The following LRP12 variants were observed in gnomAD, a reference collection of about 807,000 sequenced individuals.
LRP12 encodes low-density lipoprotein receptor-related protein 12.
Under a neutral mutation model 66.0 loss-of-function variants are expected in LRP12, and 14 were observed. That is an observed-to-expected ratio of 0.21 (90% CI 0.14 to 0.33). LRP12 has a LOEUF of 0.33. LRP12 is among the 10% of genes least tolerant of loss of function. The pLI, the probability that LRP12 is intolerant of heterozygous loss-of-function variation, is 1.00. For synonymous variants in LRP12, 357 were observed against 359.1 expected (o/e 0.99, Z 0.07); for missense variants, 889 against 1,053.4 (o/e 0.84, Z 2.16).
intron 3 of LRP12, chr8:104,505,394 CTTTCCT>C (rs1210995178): frequency 3.0e-5 from 4 of 133,428 alleles, no homozygotes; most frequent in African/African-American, 1.1e-4. Context: ...CATTTTCCTT[CTTTCCT>C]TTTTTTTTTT....
chr8:104,572,825 A>T (rs992460261), intron 1 of LRP12, among the ~76,000 whole-genome samples: 1 of 152,192 alleles, frequency 6.6e-6, no homozygotes, highest in Non-Finnish European at 1.5e-5. Flanking sequence ...CTTTTAGAGT[A>T]GAGTTCAAAT....
chr8:104,497,189 T>G lies in LRP12; in HGVS notation c.1363A>C (p.Asn455His). 6.2e-7 allele frequency: 1 copy of G among 1,610,966 alleles called. No homozygotes were observed. Among genetic ancestry groups the G allele is most frequent in the South Asian group, 1.1e-5 (1 of 90,448 alleles). ...CAACGATTGTTTTTACAATGGAAATTTCCTGGTTGGCAAAAAAAGCAGTTT... is the reference window on the plus strand; with the variant it reads ...CAACGATTGTTTTTACAATGGAAATGTCCTGGTTGGCAAAAAAAGCAGTTT... ...EKNCFFCQPG[N>H]FHCKNNRCVF... is the part of the protein sequence containing the mutation. The change falls in exon 5 of 7, where the codon AAT becomes CAT. Residue 455 changes from asparagine to histidine, a missense_variant. Asn to His is a moderately conservative substitution (Grantham distance 68). This residue lies in a region of LRP12 where 800 missense variants were observed against 964.5 expected (regional missense o/e 0.83). Transcript: ENST00000276654. The surrounding 1 kb of genome is among the most constrained non-coding windows in gnomAD (Gnocchi z 4.3).
intron 1 of LRP12, among the ~76,000 whole-genome samples, chr8:104,542,290 C>CT (rs1811490112): frequency 6.6e-6 from 1 of 152,136 alleles, no homozygotes; most frequent in Non-Finnish European, 1.5e-5. Flanking sequence ...TTATGCTATT[C>CT]TTTGGAGAAA....
At chr8:104,543,196 T>C (rs932583941) in intron 1 of LRP12, among the ~76,000 whole-genome samples, 1 of 152,082 alleles carries the variant, frequency 6.6e-6, no homozygotes, top group African/African-American at 2.4e-5. Context: ...TGTTTTTCTG[T>C]TGTTGTTTTG....
At chr8:104,585,768 A>G (rs1812319563) in intron 1 of LRP12, among the ~76,000 whole-genome samples, 1 of 152,194 alleles carries the variant, frequency 6.6e-6, no homozygotes, top group Non-Finnish European at 1.5e-5. Flanking sequence ...GGTGGGTTTG[A>G]GTAAAAGTTA....
In LRP12 at chr8:104,497,864, A is replaced by ACCAAAGGC. The variant is rs1789925202; in HGVS notation, c.687_688insGCCTTTGG (p.Tyr230AlafsTer11). On this transcript the variant is annotated frameshift_variant, in exon 5 of 7. Coordinates refer to ENST00000276654, the MANE Select transcript of LRP12 (RefSeq NM_013437.5). LOFTEE classifies it high-confidence loss of function. This position sits in a 1 kb window ranked among gnomAD's most constrained non-coding sequence, Gnocchi z 4.3. ...TTTAAAGATTCGGGGAGGCAAGTGT[A>ACCAAAGGC]AACTTTGGTAAAACGGGATAAACAC... The ACCAAAGGC allele has an allele frequency of 6.2e-7, 1 of 1,614,110 alleles. No individual in the cohort carries two copies. The highest frequency in any genetic ancestry group is 8.5e-7 in the Non-Finnish European group (1 of 1,180,054).
intron 3 of LRP12, chr8:104,505,989 G>A (rs962033978): frequency 6.6e-6 from 1 of 151,962 alleles, no homozygotes; most frequent in African/African-American, 2.4e-5. Context: ...TATAGCACTG[G>A]CCACTCCACC....
intron 6 of LRP12, among the ~76,000 whole-genome samples, chr8:104,492,685 A>G (rs1164918750): frequency 6.6e-6 from 1 of 152,138 alleles, no homozygotes; most frequent in Admixed American, 6.5e-5. Context: ...CCATAGTGCC[A>G]TGAACATAAT....
chr8:104,495,100 A>G lies in LRP12; in HGVS notation c.1690T>C (p.Phe564Leu). Residue 564 changes from phenylalanine (F) to leucine (L), a missense_variant, in exon 6 of 7, where the codon TTT becomes CTT. Phe to Leu is a conservative substitution (Grantham distance 22). Around this residue, in one of 3 missense-constraint regions of LRP12, gnomAD observed 800 missense variants for 964.5 expected, o/e 0.83. Transcript: ENST00000276654. ...ACCTGATTAGGTGAACAAACAGGAA[A>G]ATCTTCAACTGGTGGAATTAAACCC... ...AQGLIPPVEDFPVCSPNQASV... is the reference protein window; with the variant it reads ...AQGLIPPVEDLPVCSPNQASV... 1 of 1,613,746 alleles carries G rather than the reference A, an allele frequency of 6.2e-7. No individual in the cohort carries two copies. Among genetic ancestry groups the G allele is most frequent in the East Asian group, 2.2e-5 (1 of 44,826 alleles).
intron 1 of LRP12, among the ~76,000 whole-genome samples, chr8:104,569,282 G>C (rs1318595043): frequency 1.3e-5 from 2 of 152,208 alleles, no homozygotes; most frequent in East Asian, 1.9e-4. Context: ...AGAATGGGTA[G>C]TGATTGTTAA....
At chr8:104,508,337 TTA>T (rs984269707) in intron 3 of LRP12, 38 of 152,186 alleles carry the variant, frequency 2.5e-4, no homozygotes, top group Admixed American at 2.4e-3. Context: ...CCTTCCTTAT[TTA>T]TATGTCACAT....
chr8:104,582,403 AT>A (rs1222669643), intron 1 of LRP12, among the ~76,000 whole-genome samples: 1 of 152,130 alleles, frequency 6.6e-6, no homozygotes, highest in Non-Finnish European at 1.5e-5. Flanking sequence ...TAAAAGCTCA[AT>A]TTTTCCAAAT....
intron 1 of LRP12, among the ~76,000 whole-genome samples, chr8:104,547,521 AATT>A (rs1489752135): frequency 1.6e-5 from 2 of 122,762 alleles, no homozygotes; most frequent in African/African-American, 7.0e-5. Flanking sequence ...TATAATATAT[AATT>A]GTTATATTTT....
chr8:104,511,029 A>ATT (rs1810986535), intron 2 of LRP12, among the ~76,000 whole-genome samples: 2 of 93,408 alleles, frequency 2.1e-5, no homozygotes, highest in South Asian at 3.5e-4. Context: ...TGGAAAAATG[A>ATT]CTTTTTTTTT....
chr8:104,553,105 C>CT (rs906829788), intron 1 of LRP12, among the ~76,000 whole-genome samples: 1 of 152,170 alleles, frequency 6.6e-6, no homozygotes, highest in African/African-American at 2.4e-5. Context: ...CCATTTCTGA[C>CT]TTTGTCTTCC....
intron 1 of LRP12, among the ~76,000 whole-genome samples, chr8:104,548,339 A>ATATATTATATATATTATATAAATATAT (rs376360608): frequency 2.3e-5 from 1 of 43,118 alleles, no homozygotes; most frequent in South Asian, 5.4e-4. Flanking sequence ...TATTATATAA[A>ATATATTATATATATTATATAAATATAT]TATATAAATA....
Position 104,576,948 on chromosome 8 carries a change from T to C in LRP12, c.79+11871A>G, listed in dbSNP as rs147249864. On this transcript the variant is annotated intron_variant, in intron 1 of 6. Transcript: ENST00000276654. ...AATGGAAAAAAGAAAAAAGCAATCC[T>C]AGTTTCAGATAAAATGGACTTTAAA... is the stretch of plus-strand genomic sequence containing the variant. Among the ~76,000 whole-genome samples, 902 of 152,272 alleles carry C rather than the reference T, an allele frequency of 5.9e-3. 11 individuals carry two copies. Among genetic ancestry groups the C allele is most frequent in the African/African-American group, 0.02 (848 of 41,534 alleles).
chr8:104,514,039 T>C (rs914989076), intron 2 of LRP12, among the ~76,000 whole-genome samples: 30 of 152,076 alleles, frequency 2.0e-4, no homozygotes, highest in Non-Finnish European at 1.8e-4. Context: ...TAAAAAGAAA[T>C]TGAAGAATAC....
chr8:104,549,466 G>C (rs977230529), intron 1 of LRP12, among the ~76,000 whole-genome samples: 2 of 139,186 alleles, frequency 1.4e-5, no homozygotes, highest in East Asian at 4.2e-4. Context: ...GTAGTGGTAC[G>C]ATCTCGGCTC....
Sources: allele counts gnomAD v4.1 joint callset (sites outside exome capture counted in the v4.1 genomes callset), GRCh38; gene constraint gnomAD v4.1.1; regional missense constraint gnomAD v4.1.1; non-coding constraint Gnocchi (gnomAD v3.1); transcripts MANE v1.5; gene names NCBI Gene and HGNC (gene_info 2026-07-23, HGNC 2026-07-21).